The following CDIN1 variants were observed in gnomAD, a reference collection of about 807,000 sequenced individuals.
The protein encoded by CDIN1 is CDAN1 interacting nuclease 1, also known as CDAN1-interacting nuclease 1.
Under a neutral mutation model 45.3 loss-of-function variants are expected in CDIN1, and 33 were observed. The ratio of observed to expected loss-of-function variants is 0.73; its 90% CI spans 0.55 to 0.97. CDIN1 has a LOEUF of 0.97. Among genes scored for constraint, CDIN1 ranks in the 50% least tolerant of loss-of-function variants. The pLI is 0.00. For missense variants in CDIN1, 303 were observed against 339.4 expected (o/e 0.89, Z 0.84); for synonymous variants, 118 against 124.4 (o/e 0.95, Z 0.34).
chr15:36,679,479 G>A (rs1419636399), intron 5 of CDIN1, among the ~76,000 whole-genome samples: 1 of 152,104 alleles, frequency 6.6e-6, no homozygotes, highest in African/African-American at 2.4e-5. Flanking sequence ...AACATGACTA[G>A]TAGCTGGAAG....
At chr15:36,757,425 C>T (rs1358267418) in intron 10 of CDIN1, among the ~76,000 whole-genome samples, 1 of 152,282 alleles carries the variant, frequency 6.6e-6, no homozygotes, top group Non-Finnish European at 1.5e-5. Context: ...GCTATCAATC[C>T]GATACAAAAT....
chr15:36,624,863 C>G (rs1419441920), intron 1 of CDIN1, among the ~76,000 whole-genome samples: 4 of 151,988 alleles, frequency 2.6e-5, no homozygotes, highest in Non-Finnish European at 5.9e-5. Flanking sequence ...GTGAAAGTGA[C>G]CAGTCATTTT....
rs368896822 is a variant in CDIN1 at position 36,779,269 on chromosome 15, C to G, written c.717-29055C>G. Among the ~76,000 whole-genome samples, 97 of 152,302 alleles carry G rather than the reference C, an allele frequency of 6.4e-4. 2 individuals are homozygous for G. In the South Asian group the frequency reaches 0.013, roughly 21 times the overall value. ...TTTAGATGCACCTCCAGCCTTACTC[C>G]TCCTTCACAGACCCTCTGCTCTAGC... On this transcript the variant is annotated intron_variant, in intron 10 of 10. Transcript: ENST00000566621.
At chr15:36,796,374 G>A (rs1183887223) in intron 10 of CDIN1, among the ~76,000 whole-genome samples, 1 of 152,208 alleles carries the variant, frequency 6.6e-6, no homozygotes, top group Non-Finnish European at 1.5e-5. Context: ...GTCAGTCATG[G>A]ATTAGCTGCA....
At position 36,579,677 on chromosome 15, in the gene CDIN1, C is replaced by G; in HGVS notation, c.-184C>G. ...GCGGAGGTGCCGGTGGAGCCTGGGA[C>G]CGGGCGAGTCTCCGCCCCGCTTTTG... On this transcript the variant is annotated 5_prime_UTR_variant, in exon 1 of 11. Coordinates refer to ENST00000566621, the MANE Select transcript of CDIN1 (RefSeq NM_001321759.2). The G allele has an allele frequency of 1.8e-6, 1 of 562,616 alleles. No homozygotes were observed. Among genetic ancestry groups the G allele is most frequent in the East Asian group, 3.0e-5 (1 of 33,604 alleles). 34.9% of individuals were successfully genotyped at this position (562,616 alleles called of 1,614,324 possible). A position where few individuals can be genotyped will look rare whatever the true frequency, so the allele number is the denominator to read the frequency against.
intron 10 of CDIN1, among the ~76,000 whole-genome samples, chr15:36,787,945 A>AT (rs2141074800): frequency 6.6e-6 from 1 of 150,420 alleles, no homozygotes; most frequent in South Asian, 2.1e-4. Context: ...AAATGATGTT[A>AT]TTCATACTTT....
chr15:36,808,991 C>T lies in CDIN1; in HGVS notation c.*538C>T. 2.2e-6 allele frequency: 1 copy of T among 455,872 alleles called. No homozygotes were observed. The highest frequency in any genetic ancestry group is 4.4e-6 in the Non-Finnish European group (1 of 226,698). 28.2% of individuals were successfully genotyped at this position (455,872 alleles called of 1,614,324 possible). ...CAAAGTCCAAAGCCACCTTTGTACT[C>T]ACCTGCAGAGCTCCAGAAGACCTTG... On this transcript the variant is annotated 3_prime_UTR_variant, in exon 11 of 11. Coordinates refer to ENST00000566621, the MANE Select transcript of CDIN1 (RefSeq NM_001321759.2).
At chr15:36,740,420 C>T (rs896698520) in intron 10 of CDIN1, among the ~76,000 whole-genome samples, 16 of 152,040 alleles carry the variant, frequency 1.1e-4, no homozygotes, top group African/African-American at 1.7e-4. Context: ...ACCTTAGATC[C>T]GAGATTATGC....
chr15:36,618,466 A>C, intron 1 of CDIN1: 11 of 1,040,570 alleles, frequency 1.1e-5, no homozygotes, highest in Non-Finnish European at 1.5e-5. Flanking sequence ...GTCAATCTCA[A>C]GACCTCATCC....
chr15:36,738,185 C>G (rs548300841), intron 10 of CDIN1, among the ~76,000 whole-genome samples: 1 of 152,052 alleles, frequency 6.6e-6, no homozygotes, highest in African/African-American at 2.4e-5. Context: ...CTAATACTTC[C>G]GAAAGCTATG....
intron 2 of CDIN1, 75 bp from the exon 3 acceptor site, chr15:36,645,148 T>G: frequency 8.2e-7 from 1 of 1,213,140 alleles, no homozygotes. Flanking sequence ...GCTCAAGAAA[T>G]AATGTCATTC....
intron 5 of CDIN1, among the ~76,000 whole-genome samples, chr15:36,685,330 G>A (rs1029263086): frequency 2.0e-5 from 3 of 151,690 alleles, no homozygotes; most frequent in South Asian, 4.2e-4. Context: ...CCTTCATTTC[G>A]TTATGTACCC....
At chr15:36,650,442 ATTTATTTATTT>A (rs2040528241) in intron 3 of CDIN1, among the ~76,000 whole-genome samples, 1 of 148,732 alleles carries the variant, frequency 6.7e-6, no homozygotes, top group Admixed American at 6.7e-5. Context: ...TTATTTATTT[ATTTATTTATTT>A]ATTATTTGAG....
intron 5 of CDIN1, among the ~76,000 whole-genome samples, chr15:36,689,183 A>G (rs1177821411): frequency 6.6e-6 from 1 of 152,196 alleles, no homozygotes. Flanking sequence ...CTGTTCTAAA[A>G]TTTATATTGT....
At chr15:36,713,599 A>G (rs925783659) in intron 10 of CDIN1, among the ~76,000 whole-genome samples, 1 of 152,050 alleles carries the variant, frequency 6.6e-6, no homozygotes, top group African/African-American at 2.4e-5. Flanking sequence ...TTTTTGCCCT[A>G]TTACTCTGAA....
Position 36,703,337 on chromosome 15 carries a change from C to CTATCATATATATA in CDIN1, c.545-5881_545-5880insTATATATATATCA, listed in dbSNP as rs1221239720. Among the ~76,000 whole-genome samples, 28 of 95,770 alleles carry CTATCATATATATA rather than the reference C, an allele frequency of 2.9e-4. 3 individuals carry two copies. Among genetic ancestry groups the CTATCATATATATA allele is most frequent in the African/African-American group, 1.2e-3 (27 of 21,606 alleles). The allele number at this position is 95,770 out of a possible 152,430, so 62.8% of individuals were successfully genotyped here. ...AGATATATACATATATCAGATAGAT[C>CTATCATATATATA]TATCAGATATATACATATATCAGAT... On this transcript the variant is annotated intron_variant, in intron 8 of 10. Coordinates refer to ENST00000566621, the MANE Select transcript of CDIN1 (RefSeq NM_001321759.2).
chr15:36,648,927 G>A (rs1190986188), intron 3 of CDIN1, among the ~76,000 whole-genome samples: 1 of 152,170 alleles, frequency 6.6e-6, no homozygotes, highest in Non-Finnish European at 1.5e-5. Context: ...GGGTGGATCT[G>A]CTGTAAATGT....
chr15:36,788,106 A>ATATATATATTT (rs1343541345), intron 10 of CDIN1, among the ~76,000 whole-genome samples: 1 of 50,528 alleles, frequency 2.0e-5, no homozygotes, highest in African/African-American at 7.7e-5. Flanking sequence ...ATATATATAT[A>ATATATATATTT]TTTTTTTTTT....
At chr15:36,661,404 ACT>A (rs2041007462) in intron 5 of CDIN1, among the ~76,000 whole-genome samples, 1 of 151,042 alleles carries the variant, frequency 6.6e-6, no homozygotes, top group African/African-American at 2.4e-5. Context: ...TAATAGGGAG[ACT>A]CTGTTTGGAT....
Sources: allele counts gnomAD v4.1 joint callset (sites outside exome capture counted in the v4.1 genomes callset), GRCh38; gene constraint gnomAD v4.1.1; transcripts MANE v1.5; gene names NCBI Gene and HGNC (gene_info 2026-07-23, HGNC 2026-07-21).